LRRC1: variants seen among roughly 807,000 people sequenced by gnomAD.
The protein encoded by LRRC1 is leucine rich repeat containing 1.
LRRC1 carries 28 observed loss-of-function variants against 69.9 expected under a neutral mutation model. The observed-to-expected ratio is 0.40, with a 90% CI of 0.30 to 0.55. The LOEUF is 0.55. Among genes scored for constraint, LRRC1 ranks in the 20% least tolerant of loss-of-function variants. The pLI, the probability that LRRC1 is intolerant of heterozygous loss-of-function variation, is 0.47. For missense variants in LRRC1, 498 were observed against 609.0 expected, an observed-to-expected ratio of 0.82 and a Z score of 1.92; for synonymous variants, 236 against 240.2, an observed-to-expected ratio of 0.98 and a Z score of 0.16.
chr6:53,847,811 G>A (rs909373385), intron 2 of LRRC1, among the ~76,000 whole-genome samples: 4 of 152,180 alleles, frequency 2.6e-5, no homozygotes, highest in Admixed American at 1.3e-4. Context: ...CTTTGTTTAT[G>A]CCCTGAAAAG....
intron 1 of LRRC1, among the ~76,000 whole-genome samples, chr6:53,808,268 A>C (rs1417398504): frequency 6.6e-6 from 1 of 152,046 alleles, no homozygotes; most frequent in Non-Finnish European, 1.5e-5. Context: ...TAAAGTGGAC[A>C]ATACCTGCAG....
At chr6:53,866,450 G>A (rs1204531106) in intron 2 of LRRC1, among the ~76,000 whole-genome samples, 1 of 152,156 alleles carries the variant, frequency 6.6e-6, no homozygotes, top group Non-Finnish European at 1.5e-5. Context: ...ACACTGTGGC[G>A]ATGGTGGGGC....
intron 1 of LRRC1, among the ~76,000 whole-genome samples, chr6:53,825,135 G>C (rs1581855627): frequency 6.6e-6 from 1 of 152,290 alleles, no homozygotes; most frequent in Middle Eastern, 3.4e-3. Context: ...GCACTACTTA[G>C]TGTTGCCGGT....
At chr6:53,805,907 G>T (rs1409243608) in intron 1 of LRRC1, among the ~76,000 whole-genome samples, 2 of 152,208 alleles carry the variant, frequency 1.3e-5, no homozygotes, top group Non-Finnish European at 2.9e-5. Context: ...CAGTCTGGCG[G>T]CATGCCATGC....
chr6:53,811,683 T>C (rs769655642), intron 1 of LRRC1, among the ~76,000 whole-genome samples: 2 of 152,254 alleles, frequency 1.3e-5, no homozygotes, highest in African/African-American at 4.8e-5. Flanking sequence ...ATCAGCCTTA[T>C]GTGTGAGGAT....
rs1046121419 is a variant in LRRC1 at position 53,909,643 on chromosome 6, A to C, written c.991-4211A>C. ...AAAAGAATTCCGTAGCTATTAGTGG[A>C]TATTTTGATGTCAGTGGCCTCAGAA... On this transcript the variant is annotated intron_variant, in intron 10 of 13. Transcript: ENST00000370888. Among the ~76,000 whole-genome samples, 7 of 151,978 alleles carry C rather than the reference A, an allele frequency of 4.6e-5. No homozygotes were observed. The East Asian group carries it at 1.4e-3, about 29-fold the overall frequency.
chr6:53,805,309 C>T (rs1225064532), intron 1 of LRRC1, among the ~76,000 whole-genome samples: 6 of 152,200 alleles, frequency 3.9e-5, no homozygotes, highest in African/African-American at 9.6e-5. Context: ...GCATTGCAGA[C>T]GGGGAGCTTT....
At chr6:53,845,517 C>T (rs974812830) in intron 2 of LRRC1, among the ~76,000 whole-genome samples, 7 of 152,140 alleles carry the variant, frequency 4.6e-5, no homozygotes, top group African/African-American at 1.4e-4. Context: ...TCTTCTGTTG[C>T]CCCAGATGGC....
rs373006710 is a variant in LRRC1, at chr6:53,913,891, G to A, written c.1028G>A (p.Arg343His). 2.2e-5 allele frequency: 36 copies of A among 1,612,456 alleles called. No individual in the cohort carries two copies. In the South Asian group the frequency reaches 3.4e-4, roughly 15 times the overall value. ...GCCSLTVFCV[R>H]DNRLTRIPAE... ...TGCAGCCTCACTGTGTTCTGTGTACGTGACAACAGACTAACTCGGATACCT... is the reference window on the plus strand; with the variant it reads ...TGCAGCCTCACTGTGTTCTGTGTACATGACAACAGACTAACTCGGATACCT... The change falls in exon 11 of 14, where the codon CGT becomes CAT. Residue 343 changes from arginine to histidine, a missense_variant. Physicochemically the swap from Arg to His is conservative, Grantham distance 29. Coordinates refer to ENST00000370888, the MANE Select transcript of LRRC1 (RefSeq NM_018214.5).
At chr6:53,896,360 A>G in intron 4 of LRRC1, 138 bp from the exon 5 acceptor site, 1 of 692,898 alleles carries the variant, frequency 1.4e-6, no homozygotes, top group East Asian at 2.6e-5. Flanking sequence ...TGGTGATGAT[A>G]GGTATTTTTA....
intron 1 of LRRC1, among the ~76,000 whole-genome samples, chr6:53,835,173 C>T (rs1042281950): frequency 6.6e-6 from 1 of 152,184 alleles, no homozygotes; most frequent in Non-Finnish European, 1.5e-5. Flanking sequence ...CAACCATTAC[C>T]GCAATCAATT....
At chr6:53,854,062 C>A (rs543278989) in intron 2 of LRRC1, among the ~76,000 whole-genome samples, 6 of 152,304 alleles carry the variant, frequency 3.9e-5, no homozygotes, top group African/African-American at 1.4e-4. Context: ...TTTCCATAGT[C>A]ATATCTTCTC....
intron 7 of LRRC1, among the ~76,000 whole-genome samples, 165 bp downstream of exon 7, chr6:53,897,524 C>T (rs1767916819): frequency 6.6e-6 from 1 of 152,192 alleles, no homozygotes; most frequent in East Asian, 1.9e-4. Flanking sequence ...GCATCATTCT[C>T]CATTGCCATA....
chr6:53,880,679 C>T (rs9395885), intron 3 of LRRC1, among the ~76,000 whole-genome samples: 13,230 of 152,208 alleles, frequency 0.087, 900 homozygotes, highest in East Asian at 0.24. Flanking sequence ...TCTGGGCTCC[C>T]GTAATGCTCT....
At chr6:53,888,911 G>A (rs1767581818) in intron 4 of LRRC1, among the ~76,000 whole-genome samples, 1 of 152,088 alleles carries the variant, frequency 6.6e-6, no homozygotes, top group African/African-American at 2.4e-5. Context: ...TTTCAAGAAA[G>A]TGAAAAGACA....
chr6:53,819,132 G>C (rs1471643635), intron 1 of LRRC1, among the ~76,000 whole-genome samples: 11 of 152,188 alleles, frequency 7.2e-5, no homozygotes, highest in African/African-American at 2.7e-4. Context: ...GGAAGAGAGA[G>C]AGGCAATTAA....
chr6:53,909,033 C>T (rs1768327969), intron 10 of LRRC1, among the ~76,000 whole-genome samples: 1 of 152,084 alleles, frequency 6.6e-6, no homozygotes, highest in Non-Finnish European at 1.5e-5. Flanking sequence ...AATGTGCGTA[C>T]CCTTTGATTC....
At chr6:53,816,432 A>G (rs1764952705) in intron 1 of LRRC1, among the ~76,000 whole-genome samples, 2 of 151,838 alleles carry the variant, frequency 1.3e-5, no homozygotes, top group African/African-American at 4.8e-5. Flanking sequence ...AGCCCTTGGT[A>G]TCTCTGTCAA....
chr6:53,814,096 C>T (rs1175670134), intron 1 of LRRC1, among the ~76,000 whole-genome samples: 1 of 152,174 alleles, frequency 6.6e-6, no homozygotes, highest in Non-Finnish European at 1.5e-5. Context: ...CTTTTCTCTT[C>T]ATTGCTCATT....
Sources: gnomAD v4.1 joint callset for allele counts (sites outside exome capture counted in the v4.1 genomes callset) on GRCh38, gnomAD v4.1.1 for gene constraint, MANE v1.5 for transcripts, NCBI Gene and HGNC (gene_info 2026-07-23, HGNC 2026-07-21) for gene names.